Variants in PKIB observed in about 807,000 individuals in gnomAD.
PKIB encodes cAMP-dependent protein kinase inhibitor beta, also known as PKI-beta.
In PKIB, 2 loss-of-function variants were observed where a neutral mutation model predicts 4.5. That is an observed-to-expected ratio of 0.44 (90% CI 0.18 to 1.39). PKIB has a LOEUF of 1.39. Ranked by LOEUF, PKIB falls within the 40% of genes most tolerant of loss-of-function variation. The pLI, the probability that PKIB is intolerant of heterozygous loss-of-function variation, is 0.27. For synonymous variants in PKIB, 38 were observed against 36.0 expected (o/e 1.06, Z -0.20); for missense variants, 94 against 92.6 (o/e 1.02, Z -0.06).
chr6:122,576,183 A>T (rs2114700649), intron 2 of PKIB, among the ~76,000 whole-genome samples: 1 of 152,320 alleles, frequency 6.6e-6, no homozygotes, highest in East Asian at 1.9e-4. Context: ...AATTTGTCAA[A>T]ATACATTAAG....
chr6:122,698,169 C>T (rs1778649950), intron 3 of PKIB, among the ~76,000 whole-genome samples: 1 of 152,100 alleles, frequency 6.6e-6, no homozygotes, highest in South Asian at 2.1e-4. Context: ...ATAATTGTGG[C>T]AACATCATTG....
rs954933689 is a variant in PKIB, at chr6:122,711,032, T to G, written c.-8-6755T>G. 3.9e-5 allele frequency among the ~76,000 whole-genome samples: 6 copies of G among 152,208 alleles called. No individual in the cohort carries two copies. The East Asian group carries it at 5.8e-4, about 15-fold the overall frequency. The stretch of plus-strand genomic sequence containing the variant: ...GAAATAAAAGCTAAACTATATAAAA[T>G]GTAGACAGTAGGGATGCTTTGCTAT... On this transcript the variant is annotated intron_variant, in intron 3 of 4. Transcript: ENST00000368452.
At chr6:122,702,637 A>T (rs559110801) in intron 3 of PKIB, among the ~76,000 whole-genome samples, 52 of 152,210 alleles carry the variant, frequency 3.4e-4, no homozygotes, top group Admixed American at 2.9e-3. Context: ...AAATGTTTTT[A>T]AAAATATGAT....
At chr6:122,485,637 A>G (rs1775744889) in intron 2 of PKIB, among the ~76,000 whole-genome samples, 1 of 151,436 alleles carries the variant, frequency 6.6e-6, no homozygotes, top group South Asian at 2.1e-4. Flanking sequence ...AGTGGTTAAC[A>G]CATTTCCAAT....
At chr6:122,519,157 C>T (rs1776857858) in intron 2 of PKIB, among the ~76,000 whole-genome samples, 1 of 152,064 alleles carries the variant, frequency 6.6e-6, no homozygotes. Context: ...GCTCTGCCTC[C>T]TGTCAGATCA....
At chr6:122,488,369 C>T (rs1775831836) in intron 2 of PKIB, among the ~76,000 whole-genome samples, 1 of 152,014 alleles carries the variant, frequency 6.6e-6, no homozygotes, top group Non-Finnish European at 1.5e-5. Context: ...GGGGAAACCC[C>T]CCACCTAGAA....
At chr6:122,506,258 C>T (rs935930266) in intron 2 of PKIB, among the ~76,000 whole-genome samples, 2 of 151,934 alleles carry the variant, frequency 1.3e-5, no homozygotes, top group Admixed American at 1.3e-4. Flanking sequence ...ATAATTAGGT[C>T]GAATATTAAT....
chr6:122,656,603 G>C (rs2114898375), intron 2 of PKIB, among the ~76,000 whole-genome samples: 1 of 152,310 alleles, frequency 6.6e-6, no homozygotes, highest in Non-Finnish European at 1.5e-5. Flanking sequence ...GGGCCATGGA[G>C]TTGCAGCTTT....
At chr6:122,679,206 G>C (rs913361402) in intron 3 of PKIB, among the ~76,000 whole-genome samples, 7 of 152,224 alleles carry the variant, frequency 4.6e-5, no homozygotes, top group Admixed American at 3.9e-4. Context: ...AAGCACAAAC[G>C]TGCAGTGACC....
chr6:122,565,519 T>A (rs1773161827), intron 2 of PKIB, among the ~76,000 whole-genome samples: 1 of 152,220 alleles, frequency 6.6e-6, no homozygotes, highest in Admixed American at 6.5e-5. Context: ...GCTAAGATAT[T>A]CCAGTATCCT....
At chr6:122,586,635 A>G (rs1385271361) in intron 3 of PKIB, among the ~76,000 whole-genome samples, 2 of 152,148 alleles carry the variant, frequency 1.3e-5, no homozygotes, top group African/African-American at 4.8e-5. Flanking sequence ...TCTTTTTGAG[A>G]AAGTCCTTTC....
chr6:122,589,516 GATTTC>G (rs978056525), intron 3 of PKIB, among the ~76,000 whole-genome samples: 15 of 152,234 alleles, frequency 9.9e-5, no homozygotes, highest in African/African-American at 3.6e-4. Flanking sequence ...AAGGTGATTT[GATTTC>G]ATCTCCATGT....
At chr6:122,477,504 T>A (rs1273520344) in intron 1 of PKIB, among the ~76,000 whole-genome samples, 2 of 152,248 alleles carry the variant, frequency 1.3e-5, no homozygotes, top group African/African-American at 4.8e-5. Context: ...TGATACTATA[T>A]GAAATTTGCC....
chr6:122,516,023 T>C (rs1776739830), intron 2 of PKIB, among the ~76,000 whole-genome samples: 1 of 151,884 alleles, frequency 6.6e-6, no homozygotes, highest in African/African-American at 2.4e-5. Context: ...TCTTCATGAG[T>C]TTTTAATGAT....
At chr6:122,598,306 T>G (rs1188969779) in intron 3 of PKIB, among the ~76,000 whole-genome samples, 1 of 152,208 alleles carries the variant, frequency 6.6e-6, no homozygotes, top group Non-Finnish European at 1.5e-5. Context: ...ATTTAACTTC[T>G]GGGAACACTG....
intron 2 of PKIB, among the ~76,000 whole-genome samples, chr6:122,654,864 CATGTT>C (rs1164609213): frequency 1.4e-4 from 22 of 152,034 alleles, no homozygotes; most frequent in Non-Finnish European, 1.8e-4. Context: ...AAATATGACT[CATGTT>C]AGGTCACTTT....
At chr6:122,722,998 G>A (rs958178949) in intron 4 of PKIB, among the ~76,000 whole-genome samples, 1 of 152,058 alleles carries the variant, frequency 6.6e-6, no homozygotes, top group African/African-American at 2.4e-5. Flanking sequence ...ACAGATGATT[G>A]TCACTCTTTC....
chr6:122,683,623 C>G (rs1389717587), intron 3 of PKIB, among the ~76,000 whole-genome samples: 1 of 152,102 alleles, frequency 6.6e-6, no homozygotes, highest in Admixed American at 6.6e-5. Context: ...TATTATTGTT[C>G]CAAAGTGGAG....
intron 2 of PKIB, among the ~76,000 whole-genome samples, chr6:122,506,694 ATTTTTTTTT>A (rs35341464): frequency 2.6e-5 from 3 of 116,568 alleles, no homozygotes; most frequent in Non-Finnish European, 3.5e-5. Context: ...TGGAGATGTA[ATTTTTTTTT>A]TTTTTTTTTT....
Sources: gnomAD v4.1 joint callset for allele counts (sites outside exome capture counted in the v4.1 genomes callset) on GRCh38, gnomAD v4.1.1 for gene constraint, MANE v1.5 for transcripts, NCBI Gene and HGNC (gene_info 2026-07-23, HGNC 2026-07-21) for gene names.